The following NREP variants were observed in gnomAD, a reference collection of about 807,000 sequenced individuals.
NREP encodes neuronal regeneration-related protein.
Under a neutral mutation model 8.6 loss-of-function variants are expected in NREP, and 5 were observed. The ratio of observed to expected loss-of-function variants is 0.58; its 90% CI spans 0.30 to 1.22. NREP has a LOEUF of 1.22. Among genes scored for constraint, NREP ranks in the 50% most tolerant of loss-of-function variants. The pLI is 0.07. For missense variants in NREP, 86 were observed against 82.5 expected (o/e 1.04, Z -0.17); for synonymous variants, 27 against 28.0 (o/e 0.96, Z 0.11).
intron 2 of NREP, among the ~76,000 whole-genome samples, chr5:111,804,988 G>C (rs1165864983): frequency 2.2e-5 from 3 of 135,614 alleles, no homozygotes; most frequent in Admixed American, 7.8e-5. Context: ...GCGACAGAGC[G>C]AGACTCCGTC....
chr5:111,812,185 G>A (rs1236383028), intron 2 of NREP, among the ~76,000 whole-genome samples: 1 of 152,138 alleles, frequency 6.6e-6, no homozygotes, highest in Non-Finnish European at 1.5e-5. Context: ...TAATTGGGAG[G>A]CTGAGGTGGG....
At chr5:111,873,077 G>GA (rs1358897847) in intron 2 of NREP, among the ~76,000 whole-genome samples, 15 of 152,086 alleles carry the variant, frequency 9.9e-5, no homozygotes, top group African/African-American at 2.9e-4. Context: ...GTAAACTGGG[G>GA]AAATAAAAAT....
chr5:111,837,077 G>A (rs1011965529), intron 2 of NREP, among the ~76,000 whole-genome samples: 5 of 152,092 alleles, frequency 3.3e-5, no homozygotes, highest in African/African-American at 1.2e-4. Context: ...TCTGACATCA[G>A]TGGAAATTCA....
chr5:111,882,886 A>C (rs1190041085), intron 2 of NREP, among the ~76,000 whole-genome samples: 1 of 152,278 alleles, frequency 6.6e-6, no homozygotes, highest in Non-Finnish European at 1.5e-5. Flanking sequence ...CAAATGGTAA[A>C]GACCATCGAG....
At chr5:111,941,541 C>T (rs1755829991) in intron 2 of NREP, among the ~76,000 whole-genome samples, 1 of 152,064 alleles carries the variant, frequency 6.6e-6, no homozygotes, top group Non-Finnish European at 1.5e-5. Flanking sequence ...CAGTAAACTG[C>T]ACTGTAACAG....
chr5:111,836,991 A>C (rs1752912301), intron 2 of NREP, among the ~76,000 whole-genome samples: 1 of 152,110 alleles, frequency 6.6e-6, no homozygotes, highest in African/African-American at 2.4e-5. Context: ...ACTTGAATTC[A>C]CTTGAATTTA....
intron 2 of NREP, among the ~76,000 whole-genome samples, chr5:111,913,824 A>T (rs1244340021): frequency 6.6e-6 from 1 of 152,148 alleles, no homozygotes; most frequent in Non-Finnish European, 1.5e-5. Flanking sequence ...AGAGGATAAG[A>T]GAAGTAGAAG....
chr5:111,791,905 C>T (rs1051845666), intron 2 of NREP, among the ~76,000 whole-genome samples: 1 of 152,150 alleles, frequency 6.6e-6, no homozygotes, highest in East Asian at 1.9e-4. Context: ...AGGTCTGGGA[C>T]TCTGTTATCT....
At chr5:111,735,181 C>G in intron 3 of NREP, 1 of 398,912 alleles carries the variant, frequency 2.5e-6, no homozygotes, top group Non-Finnish European at 4.6e-6. Flanking sequence ...GTAAACTGTA[C>G]TTTGATAAAC....
intron 2 of NREP, among the ~76,000 whole-genome samples, chr5:111,878,728 T>C (rs1753972588): frequency 6.6e-6 from 1 of 152,202 alleles, no homozygotes; most frequent in Admixed American, 6.5e-5. Context: ...GACAGTCAGA[T>C]AGGCCTGTCC....
chr5:111,941,733 A>G (rs1755835235), intron 2 of NREP, among the ~76,000 whole-genome samples: 2 of 152,106 alleles, frequency 1.3e-5, no homozygotes, highest in African/African-American at 2.4e-5. Context: ...GATTGATAAT[A>G]AAAGCTTCAA....
intron 2 of NREP, among the ~76,000 whole-genome samples, chr5:111,837,658 G>C (rs1007510947): frequency 3.3e-5 from 5 of 151,984 alleles, no homozygotes; most frequent in Non-Finnish European, 5.9e-5. Flanking sequence ...TAATAATTAT[G>C]TGCAAAGAGT....
chr5:111,760,040 C>T (rs1750926627), upstream of NREP, among the ~76,000 whole-genome samples: 1 of 152,178 alleles, frequency 6.6e-6, no homozygotes, highest in African/African-American at 2.4e-5. Context: ...AAGCCATTAC[C>T]AGTCAGGAAG....
At chr5:111,777,999 C>G (rs771223377) in intron 2 of NREP, among the ~76,000 whole-genome samples, 1 of 152,032 alleles carries the variant, frequency 6.6e-6, no homozygotes, top group Non-Finnish European at 1.5e-5. Context: ...AGCAAAATAT[C>G]AAAACAACTT....
At chr5:111,777,076 A>G (rs1443672296) in intron 2 of NREP, among the ~76,000 whole-genome samples, 4 of 151,984 alleles carry the variant, frequency 2.6e-5, no homozygotes, top group Admixed American at 6.6e-5. Flanking sequence ...GCAGCTATAT[A>G]TGTACCCATA....
chr5:111,821,177 T>C (rs1752506183), intron 2 of NREP, among the ~76,000 whole-genome samples: 1 of 152,228 alleles, frequency 6.6e-6, no homozygotes, highest in South Asian at 2.1e-4. Context: ...AGCACTCCGC[T>C]GGTACCTCTA....
At chr5:111,742,176 G>A (rs1581057194) in intron 2 of NREP, among the ~76,000 whole-genome samples, 1 of 152,124 alleles carries the variant, frequency 6.6e-6, no homozygotes, top group African/African-American at 2.4e-5. Context: ...TTAATATTAT[G>A]CCACAGATGA....
intron 2 of NREP, among the ~76,000 whole-genome samples, chr5:111,917,767 A>G (rs1755105186): frequency 6.6e-6 from 1 of 152,210 alleles, no homozygotes; most frequent in Non-Finnish European, 1.5e-5. Context: ...GAATGGGCAA[A>G]AGCTGGAAGC....
intron 2 of NREP, among the ~76,000 whole-genome samples, chr5:111,972,832 T>C (rs1181221379): frequency 1.3e-5 from 2 of 152,234 alleles, no homozygotes; most frequent in African/African-American, 2.4e-5. Context: ...TGCCACTGCC[T>C]GCTGCTAGGG....
Sources: allele counts gnomAD v4.1 joint callset (sites outside exome capture counted in the v4.1 genomes callset), GRCh38; gene constraint gnomAD v4.1.1; transcripts MANE v1.5; gene names NCBI Gene and HGNC (gene_info 2026-07-23, HGNC 2026-07-21).